The following CRIM1 variants were observed in gnomAD, a reference collection of about 807,000 sequenced individuals.
CRIM1 encodes the protein cysteine-rich motor neuron 1 protein.
Under a neutral mutation model 116.4 loss-of-function variants are expected in CRIM1, and 32 were observed. The observed-to-expected ratio is 0.27, with a 90% CI of 0.21 to 0.37. The LOEUF (loss-of-function observed/expected upper bound fraction) is 0.37. Among genes scored for constraint, CRIM1 ranks in the 10% least tolerant of loss-of-function variants. CRIM1 has a pLI of 1.00. For missense variants in CRIM1, 1,331 were observed against 1,354.8 expected (o/e 0.98, Z 0.28); for synonymous variants, 590 against 509.2 (o/e 1.16, Z -2.13).
intron 2 of CRIM1, among the ~76,000 whole-genome samples, chr2:36,415,914 A>C (rs1031393979): frequency 6.6e-6 from 1 of 152,236 alleles, no homozygotes; most frequent in Non-Finnish European, 1.5e-5. Flanking sequence ...ATTTAAAAAA[A>C]TAATGGATTG....
chr2:36,550,252 T>TCAAA lies in CRIM1; in HGVS notation c.*1555_*1558dup, dbSNP rs1553339340. 1.5e-4 allele frequency: 22 copies of TCAAA among 143,208 alleles called. No individual in the cohort carries two copies. The highest frequency in any genetic ancestry group is 8.5e-4 in the Admixed American group (12 of 14,078). 8.9% of individuals were successfully genotyped at this position (143,208 alleles called of 1,614,324 possible). A position where few individuals can be genotyped will look rare whatever the true frequency, so the allele number is the denominator to read the frequency against. On this transcript the variant is annotated 3_prime_UTR_variant, in exon 17 of 17. Transcript: ENST00000280527. ...CTCCTGGATTTTTTTTTTTTTTTTT[T>TCAAA]CAAACAATGGTTTGAAACAACTACT... is the stretch of plus-strand genomic sequence containing the variant.
intron 1 of CRIM1, among the ~76,000 whole-genome samples, chr2:36,368,388 C>T (rs1221778016): frequency 6.6e-6 from 1 of 152,164 alleles, no homozygotes; most frequent in East Asian, 1.9e-4. Context: ...AAGCCAACTG[C>T]GAAGCTTGGA....
At chr2:36,492,668 C>T (rs1328743624) in intron 7 of CRIM1, among the ~76,000 whole-genome samples, 2 of 152,164 alleles carry the variant, frequency 1.3e-5, no homozygotes, top group Admixed American at 6.5e-5. Flanking sequence ...TATGAAAATA[C>T]AGCAAAACAG....
At position 36,442,755 on chromosome 2, in the gene CRIM1, G is replaced by C. The variant is rs1429449155; in HGVS notation, c.869+20G>C. On this transcript the variant is annotated intron_variant, in intron 4 of 16. Transcript: ENST00000280527. ...AACAAGGTTAGTTTGCCATTAGTTT[G>C]TCAAGTTTTCTCCTCATTTGTTAGC... 6.2e-7 allele frequency: 1 copy of C among 1,613,882 alleles called. No homozygotes were observed. The highest frequency in any genetic ancestry group is 8.5e-7 in the Non-Finnish European group (1 of 1,179,944).
At chr2:36,378,320 C>T in intron 1 of CRIM1, 1 of 471,112 alleles carries the variant, frequency 2.1e-6, no homozygotes, top group Admixed American at 2.3e-5. Context: ...CATGATTGTC[C>T]TCCTAGGCAG....
chr2:36,519,268 T>C (rs1168091678), intron 12 of CRIM1, among the ~76,000 whole-genome samples: 2 of 152,156 alleles, frequency 1.3e-5, no homozygotes, highest in Non-Finnish European at 2.9e-5. Context: ...CTGAGTATGC[T>C]AACATGGGTG....
At chr2:36,458,239 A>G (rs1377738955) in intron 4 of CRIM1, among the ~76,000 whole-genome samples, 1 of 152,094 alleles carries the variant, frequency 6.6e-6, no homozygotes, top group East Asian at 1.9e-4. Flanking sequence ...GGAGCCTACT[A>G]TGGGGAATGT....
At chr2:36,445,412 C>A (rs547450175) in intron 4 of CRIM1, among the ~76,000 whole-genome samples, 1 of 152,316 alleles carries the variant, frequency 6.6e-6, no homozygotes, top group South Asian at 2.1e-4. Context: ...TAATTAATTT[C>A]TCCTCTGTCC....
intron 2 of CRIM1, among the ~76,000 whole-genome samples, chr2:36,428,950 C>T (rs1035410541): frequency 1.3e-5 from 2 of 152,170 alleles, no homozygotes; most frequent in African/African-American, 4.8e-5. Context: ...TGACTGAGTC[C>T]TGGTCCATGA....
At chr2:36,543,596 G>A (rs939983568) in intron 14 of CRIM1, among the ~76,000 whole-genome samples, 2 of 151,974 alleles carry the variant, frequency 1.3e-5, no homozygotes, top group African/African-American at 4.8e-5. Flanking sequence ...AGGTTCTGAA[G>A]AATTAATTGC....
chr2:36,401,135 T>C (rs1198579566), intron 2 of CRIM1, among the ~76,000 whole-genome samples: 7 of 152,312 alleles, frequency 4.6e-5, no homozygotes, highest in East Asian at 1.9e-4. Context: ...TTCAATGTTA[T>C]AGACTTATGG....
At position 36,524,039 on chromosome 2, in the gene CRIM1, A is replaced by T. The variant is rs986170225; in HGVS notation, c.2428+1726A>T. On this transcript the variant is annotated intron_variant, in intron 13 of 16. Coordinates refer to ENST00000280527, the MANE Select transcript of CRIM1 (RefSeq NM_016441.3). Reference sequence around the variant, plus strand: ...ATAAAAGTTCTGTTTTAAAAGCTAGATTCTCTCTTTTAATAGGGTTACCAT... The same window carrying T: ...ATAAAAGTTCTGTTTTAAAAGCTAGTTTCTCTCTTTTAATAGGGTTACCAT... Among the ~76,000 whole-genome samples the T allele has an allele frequency of 1.2e-4, 19 of 152,332 alleles. 1 individual carries two copies. The highest frequency in any genetic ancestry group is 3.8e-4 in the African/African-American group (16 of 41,572).
At chr2:36,390,417 C>G (rs1223860799) in intron 1 of CRIM1, among the ~76,000 whole-genome samples, 1 of 152,210 alleles carries the variant, frequency 6.6e-6, no homozygotes, top group Non-Finnish European at 1.5e-5. Flanking sequence ...GCACCTGGAT[C>G]TCTGGTAGCC....
At chr2:36,378,671 G>C (rs750843722) in intron 1 of CRIM1, 4 of 191,288 alleles carry the variant, frequency 2.1e-5, no homozygotes, top group Non-Finnish European at 4.4e-5. Context: ...TTGATCCAGA[G>C]GTTGGATTGT....
intron 8 of CRIM1, among the ~76,000 whole-genome samples, chr2:36,502,515 C>T (rs564032161): frequency 6.6e-6 from 1 of 151,710 alleles, no homozygotes; most frequent in East Asian, 1.9e-4. Flanking sequence ...AGATAGCTGG[C>T]CTTCCTTCCT....
intron 4 of CRIM1, among the ~76,000 whole-genome samples, chr2:36,443,731 C>G (rs773163353): frequency 5.3e-5 from 8 of 152,162 alleles, no homozygotes; most frequent in Non-Finnish European, 8.8e-5. Context: ...AGGTAAGTAT[C>G]AGTTATCTGT....
chr2:36,429,582 C>G (rs181197316), intron 2 of CRIM1, among the ~76,000 whole-genome samples: 6 of 152,220 alleles, frequency 3.9e-5, no homozygotes, highest in Admixed American at 3.9e-4. Flanking sequence ...AAAAGAGAGA[C>G]CAGCACACAG....
chr2:36,381,389 G>T (rs1670759692), intron 1 of CRIM1, among the ~76,000 whole-genome samples: 1 of 152,210 alleles, frequency 6.6e-6, no homozygotes, highest in Non-Finnish European at 1.5e-5. Context: ...CTCAGACCAG[G>T]CCTGTGGCCC....
At position 36,466,072 on chromosome 2, in the gene CRIM1, G is replaced by A. The variant is rs1677997726; in HGVS notation, c.991+1417G>A. On this transcript the variant is annotated intron_variant, in intron 5 of 16. Coordinates refer to ENST00000280527, the MANE Select transcript of CRIM1 (RefSeq NM_016441.3). ...GGCTAATTTTTTTGTATTTTTAGTAGAGACAGGGTTTCACTGTGTTAACCA... is the reference window on the plus strand; with the variant it reads ...GGCTAATTTTTTTGTATTTTTAGTAAAGACAGGGTTTCACTGTGTTAACCA... Among the ~76,000 whole-genome samples the A allele has an allele frequency of 2.6e-5, 4 of 151,426 alleles. No homozygotes were observed. In the South Asian group the frequency reaches 8.4e-4, roughly 32 times the overall value.
Sources: allele counts gnomAD v4.1 joint callset (sites outside exome capture counted in the v4.1 genomes callset), GRCh38; gene constraint gnomAD v4.1.1; transcripts MANE v1.5; gene names NCBI Gene and HGNC (gene_info 2026-07-23, HGNC 2026-07-21).